Variants in NUDT3 observed in about 807,000 individuals in gnomAD.
NUDT3 encodes the protein diphosphoinositol polyphosphate phosphohydrolase 1.
A neutral mutation model predicts 23.6 loss-of-function variants in NUDT3; 9 were observed. That is an observed-to-expected ratio of 0.38 (90% CI 0.23 to 0.66). The LOEUF is 0.66. Among genes scored for constraint, NUDT3 ranks in the 30% least tolerant of loss-of-function variants. The probability of loss-of-function intolerance (pLI) is 0.52; values close to 1 mark genes in which losing one functional copy is unlikely to be tolerated. For synonymous variants in NUDT3, 86 were observed against 82.6 expected (o/e 1.04, Z -0.22); for missense variants, 172 against 218.5 (o/e 0.79, Z 1.34).
intron 1 of NUDT3, among the ~76,000 whole-genome samples, chr6:34,364,376 T>G (rs1032901852): frequency 2.6e-5 from 4 of 152,134 alleles, no homozygotes; most frequent in Non-Finnish European, 5.9e-5. Context: ...CTCCCTTATT[T>G]CCAATATATC....
At chr6:34,334,314 T>C (rs777629630) in intron 2 of NUDT3, among the ~76,000 whole-genome samples, 1 of 152,166 alleles carries the variant, frequency 6.6e-6, no homozygotes, top group Non-Finnish European at 1.5e-5. Context: ...ACTTGAGATA[T>C]GTGTTGAGCA....
Position 34,392,311 on chromosome 6 carries a change from T to TGTAGCC in NUDT3, c.46_51dup (p.Gly16_Tyr17dup), listed in dbSNP as rs1561928268. 1 of 1,606,172 alleles carries TGTAGCC rather than the reference T, an allele frequency of 6.2e-7. No homozygotes were observed. The highest frequency in any genetic ancestry group is 8.5e-7 in the Non-Finnish European group (1 of 1,177,574). ...AAACACAGGCATGCGGCCCGCTTCT[T>TGTAGCC]GTAGCCGTCGCCGTCGTAGGTGCGG... On this transcript the variant is annotated inframe_insertion, in exon 1 of 5. Transcript: ENST00000607016.
At chr6:34,328,933 T>C (rs1229019581) in intron 2 of NUDT3, among the ~76,000 whole-genome samples, 1 of 152,214 alleles carries the variant, frequency 6.6e-6, no homozygotes, top group Non-Finnish European at 1.5e-5. Flanking sequence ...CCACTTTCTA[T>C]TCACAACTGC....
At chr6:34,366,247 T>C (rs1165059332) in intron 1 of NUDT3, among the ~76,000 whole-genome samples, 1 of 148,058 alleles carries the variant, frequency 6.8e-6, no homozygotes, top group African/African-American at 2.5e-5. Flanking sequence ...TGGTGATGCA[T>C]GCCTATAATC....
At chr6:34,325,918 A>G (rs1200272998) in intron 2 of NUDT3, among the ~76,000 whole-genome samples, 1 of 152,248 alleles carries the variant, frequency 6.6e-6, no homozygotes, top group Non-Finnish European at 1.5e-5. Flanking sequence ...CAGCTCAGGA[A>G]CTTGAATATA....
intron 1 of NUDT3, among the ~76,000 whole-genome samples, chr6:34,363,732 T>C (rs1764683057): frequency 6.6e-6 from 1 of 152,148 alleles, no homozygotes; most frequent in Admixed American, 6.6e-5. Context: ...ATCCTCACAA[T>C]AGAAATAATC....
chr6:34,373,349 A>G (rs1350734753), intron 1 of NUDT3, among the ~76,000 whole-genome samples: 1 of 95,428 alleles, frequency 1.0e-5, no homozygotes, highest in East Asian at 5.6e-4. Context: ...ATTTAATGTT[A>G]TAAAATTTAA....
At chr6:34,385,472 CTTGTT>C (rs903708759) in intron 1 of NUDT3, among the ~76,000 whole-genome samples, 11 of 152,044 alleles carry the variant, frequency 7.2e-5, no homozygotes, top group Admixed American at 2.6e-4. Flanking sequence ...GGGCCAAGAT[CTTGTT>C]TTGTTTTGTT....
chr6:34,299,214 T>A (rs1466214667), intron 2 of NUDT3, among the ~76,000 whole-genome samples: 1 of 152,202 alleles, frequency 6.6e-6, no homozygotes, highest in Non-Finnish European at 1.5e-5. Flanking sequence ...AAGATTGAAT[T>A]CAAGGGTATA....
At chr6:34,324,369 A>G (rs1763991526) in intron 2 of NUDT3, among the ~76,000 whole-genome samples, 1 of 150,346 alleles carries the variant, frequency 6.7e-6, no homozygotes, top group Non-Finnish European at 1.5e-5. Context: ...AAAAAAAAAA[A>G]GCCTTCAGAA....
chr6:34,379,681 G>A (rs866581254), intron 1 of NUDT3, among the ~76,000 whole-genome samples: 9 of 152,066 alleles, frequency 5.9e-5, no homozygotes, highest in Middle Eastern at 3.4e-3. Context: ...AGGGTGCTGG[G>A]ATTACAGGCT....
intron 2 of NUDT3, among the ~76,000 whole-genome samples, chr6:34,340,335 A>G (rs1764269479): frequency 6.6e-6 from 1 of 152,228 alleles, no homozygotes; most frequent in African/African-American, 2.4e-5. Flanking sequence ...ATACATCCTA[A>G]GTGGTAGAGT....
At chr6:34,350,559 T>C (rs1408179023) in intron 1 of NUDT3, among the ~76,000 whole-genome samples, 1 of 150,978 alleles carries the variant, frequency 6.6e-6, no homozygotes, top group Non-Finnish European at 1.5e-5. Flanking sequence ...GTTTAAAAGA[T>C]GAGTAAAGCT....
At chr6:34,383,360 T>G (rs1347538955) in intron 1 of NUDT3, among the ~76,000 whole-genome samples, 2 of 152,020 alleles carry the variant, frequency 1.3e-5, no homozygotes, top group African/African-American at 4.8e-5. Context: ...ACAAAGGAAG[T>G]CTATTTAAGG....
At chr6:34,321,140 AAT>A (rs1023728916) in intron 2 of NUDT3, among the ~76,000 whole-genome samples, 13 of 151,944 alleles carry the variant, frequency 8.6e-5, no homozygotes, top group African/African-American at 3.1e-4. Flanking sequence ...TTAAGGTTAT[AAT>A]ATGTGTTGTC....
chr6:34,291,178 C>T (rs1221324276), intron 4 of NUDT3, among the ~76,000 whole-genome samples: 1 of 151,996 alleles, frequency 6.6e-6, no homozygotes, highest in Non-Finnish European at 1.5e-5. Flanking sequence ...AGGCTGGTCT[C>T]GAACTCCTGA....
At chr6:34,345,547 C>A (rs968079982) in intron 1 of NUDT3, among the ~76,000 whole-genome samples, 2 of 150,182 alleles carry the variant, frequency 1.3e-5, no homozygotes, top group African/African-American at 4.9e-5. Flanking sequence ...CCTGTAGTCC[C>A]AGCTACTCAG....
chr6:34,351,123 G>T (rs779247751), intron 1 of NUDT3, among the ~76,000 whole-genome samples: 1 of 137,364 alleles, frequency 7.3e-6, no homozygotes, highest in African/African-American at 2.8e-5. Context: ...GCTGAGGTGG[G>T]GGTATCACTT....
At chr6:34,293,946 C>G (rs1431374001) in intron 3 of NUDT3, among the ~76,000 whole-genome samples, 1 of 152,050 alleles carries the variant, frequency 6.6e-6, no homozygotes, top group African/African-American at 2.4e-5. Context: ...CACACACCCA[C>G]CCACACCCCT....
Sources: allele counts gnomAD v4.1 joint callset (sites outside exome capture counted in the v4.1 genomes callset), GRCh38; gene constraint gnomAD v4.1.1; transcripts MANE v1.5; gene names NCBI Gene and HGNC (gene_info 2026-07-23, HGNC 2026-07-21).